AP1G1: variants seen among roughly 807,000 people sequenced by gnomAD.
AP1G1 encodes adaptor related protein complex 1 subunit gamma 1, also known as AP-1 complex subunit gamma-1.
AP1G1 carries 7 observed loss-of-function variants against 108.3 expected under a neutral mutation model. The ratio of observed to expected loss-of-function variants is 0.06; its 90% CI spans 0.04 to 0.12. AP1G1 has a LOEUF of 0.12. Among genes scored for constraint, AP1G1 ranks in the 10% least tolerant of loss-of-function variants. The probability of loss-of-function intolerance (pLI) is 1.00; values close to 1 mark genes in which losing one functional copy is unlikely to be tolerated. For synonymous variants in AP1G1, 379 were observed against 353.5 expected, an observed-to-expected ratio of 1.07 and a Z score of -0.81; for missense variants, 756 against 1,010.7, an observed-to-expected ratio of 0.75 and a Z score of 3.42.
intron 16 of AP1G1, chr16:71,746,993 A>G (rs185516713): frequency 1.1e-4 from 20 of 185,726 alleles, no homozygotes; most frequent in African/African-American, 4.7e-4. Flanking sequence ...TTGCTAGACA[A>G]AAGTACCAAC....
chr16:71,760,482 T>G (rs1597055008), intron 10 of AP1G1, among the ~76,000 whole-genome samples: 1 of 150,600 alleles, frequency 6.6e-6, no homozygotes, highest in Non-Finnish European at 1.5e-5. Context: ...GAGGCGGAGG[T>G]TGCAGTGAGC....
intron 2 of AP1G1, among the ~76,000 whole-genome samples, chr16:71,786,996 G>A (rs1346601594): frequency 6.6e-6 from 1 of 151,978 alleles, no homozygotes. Flanking sequence ...GCACAATCCA[G>A]CCTGGGCAAC....
At chr16:71,767,921 A>G (rs757281875) in intron 6 of AP1G1, 2 of 1,595,640 alleles carry the variant, frequency 1.3e-6, no homozygotes, top group South Asian at 1.1e-5. Context: ...GACAACAGGA[A>G]CAAAACATAC....
At chr16:71,787,769 A>G (rs1014725260) in intron 2 of AP1G1, among the ~76,000 whole-genome samples, 11 of 152,230 alleles carry the variant, frequency 7.2e-5, no homozygotes, top group Admixed American at 5.9e-4. Context: ...GGTAAAGCTT[A>G]TAACTGAAAC....
intron 19 of AP1G1, among the ~76,000 whole-genome samples, chr16:71,744,114 C>T (rs1380600464): frequency 1.3e-5 from 2 of 149,932 alleles, no homozygotes; most frequent in South Asian, 2.1e-4. Flanking sequence ...CATGGTGGTG[C>T]GTGCCTGTGA....
chr16:71,768,630 A>G (rs1268003528), intron 6 of AP1G1, among the ~76,000 whole-genome samples: 1 of 151,500 alleles, frequency 6.6e-6, no homozygotes, highest in African/African-American at 2.4e-5. Context: ...AAAAAATAGA[A>G]AAGAGCTGGG....
intron 7 of AP1G1, among the ~76,000 whole-genome samples, chr16:71,765,259 C>T (rs1256856684): frequency 1.3e-5 from 2 of 152,096 alleles, no homozygotes; most frequent in African/African-American, 4.8e-5. Context: ...CCTGGGAGGT[C>T]GAGGCTGCAG....
chr16:71,749,972 T>A lies in AP1G1; in HGVS notation c.1419A>T (p.Val473=). 1.2e-6 allele frequency: 2 copies of A among 1,612,784 alleles called. No individual in the cohort carries two copies. Residue 473 remains valine, a synonymous_variant, in exon 15 of 23, where the codon GTA becomes GTT. Coordinates refer to ENST00000299980, the MANE Select transcript of AP1G1 (RefSeq NM_001128.6). The part of the protein sequence containing the change: ...ILGDYSQQPL[V]QVAAWCIGEY... ...CACCTATACACCATGCAGCCACTTG[T>A]ACCAAAGGTTGCTGTGAAAAGAAAA...
chr16:71,783,928 A>G (rs1460051199), intron 2 of AP1G1, among the ~76,000 whole-genome samples: 1 of 152,208 alleles, frequency 6.6e-6, no homozygotes, highest in Non-Finnish European at 1.5e-5. Context: ...CTACTCCTGC[A>G]ATCTACCTAC....
At chr16:71,761,408 G>C (rs2031078317) in intron 10 of AP1G1, 104 bp downstream of exon 10, 1 of 845,638 alleles carries the variant, frequency 1.2e-6, no homozygotes, top group Non-Finnish European at 1.9e-6. Flanking sequence ...TGAGCTAAAA[G>C]TTCTAAATAT....
chr16:71,759,747 G>C (rs537546313), intron 10 of AP1G1, among the ~76,000 whole-genome samples: 3 of 150,888 alleles, frequency 2.0e-5, no homozygotes, highest in African/African-American at 7.3e-5. Context: ...GCGACAGAGC[G>C]AGACTCTGTC....
At chr16:71,744,660 C>T (rs1019185694) in intron 19 of AP1G1, among the ~76,000 whole-genome samples, 3 of 148,240 alleles carry the variant, frequency 2.0e-5, no homozygotes, top group Non-Finnish European at 4.4e-5. Flanking sequence ...ACTGCAACCT[C>T]CGTCTCTCAG....
intron 6 of AP1G1, chr16:71,766,561 T>A (rs1459549472): frequency 2.7e-6 from 1 of 368,904 alleles, no homozygotes; most frequent in Non-Finnish European, 5.6e-6. Context: ...GACCAAAAAT[T>A]AAGTTAAATA....
At chr16:71,772,861 A>G (rs755822891) in intron 4 of AP1G1, 33 of 325,910 alleles carry the variant, frequency 1.0e-4, no homozygotes, top group Non-Finnish European at 1.8e-4. Context: ...CTAGGTCCCA[A>G]TAGAACTGCC....
At chr16:71,750,146 G>A in intron 14 of AP1G1, 64 bp downstream of exon 14, 1 of 1,590,314 alleles carries the variant, frequency 6.3e-7, no homozygotes, top group East Asian at 2.2e-5. Flanking sequence ...AAAAAAAGAA[G>A]AAAAACATAC....
Position 71,789,364 on chromosome 16 carries a change from C to T in AP1G1, c.116G>A (p.Arg39Lys), listed in dbSNP as rs2032317584. Residue 39 changes from arginine (R) to lysine (K), a missense_variant, in exon 2 of 23, where the codon AGA (arginine) becomes AAA (lysine). By Grantham distance (26) the Arg-to-Lys change is conservative. Coordinates refer to ENST00000299980, the MANE Select transcript of AP1G1 (RefSeq NM_001128.6). ...KECAAIRSSF[R>K]EEDNTYRCRN... ...ACATCGGTATGTATTGTCTTCTTCT[C>T]TAAAAGATGACCGGATTGCAGCACA... 1 of 1,614,082 alleles carries T rather than the reference C, an allele frequency of 6.2e-7. No individual in the cohort carries two copies. The highest frequency in any genetic ancestry group is 8.5e-7 in the Non-Finnish European group (1 of 1,180,034).
intron 10 of AP1G1, among the ~76,000 whole-genome samples, chr16:71,759,872 A>G (rs2030996055): frequency 6.6e-6 from 1 of 152,058 alleles, no homozygotes; most frequent in African/African-American, 2.4e-5. Context: ...AGAGCATATA[A>G]TATGTCTTTT....
intron 12 of AP1G1, 78 bp from the exon 13 acceptor site, chr16:71,753,965 C>T (rs1322857760): frequency 1.5e-6 from 2 of 1,357,550 alleles, no homozygotes; most frequent in African/African-American, 1.4e-5. Flanking sequence ...CCTGCCCAAG[C>T]AGGGTGACTC....
chr16:71,742,142 T>G (rs2029897908), intron 19 of AP1G1: 2 of 152,098 alleles, frequency 1.3e-5, no homozygotes, highest in South Asian at 4.1e-4. Context: ...TTTTATCATT[T>G]TGCTTTAACA....
Sources: allele counts gnomAD v4.1 joint callset (sites outside exome capture counted in the v4.1 genomes callset), GRCh38; gene constraint gnomAD v4.1.1; transcripts MANE v1.5; gene names NCBI Gene and HGNC (gene_info 2026-07-23, HGNC 2026-07-21).